Variants in PPAT observed in about 807,000 individuals in gnomAD.
The protein encoded by PPAT is phosphoribosyl pyrophosphate amidotransferase.
Under a neutral mutation model 60.2 loss-of-function variants are expected in PPAT, and 20 were observed. That is an observed-to-expected ratio of 0.33 (90% CI 0.23 to 0.48). PPAT has a LOEUF of 0.48. Ranked by LOEUF, PPAT falls within the 20% of genes least tolerant of loss-of-function variation. The pLI is 0.99. For synonymous variants in PPAT, 194 were observed against 215.1 expected (o/e 0.90, Z 0.86); for missense variants, 349 against 629.6 (o/e 0.55, Z 4.77).
chr4:56,419,896 A>G, intron 1 of PPAT: 1 of 984,672 alleles, frequency 1.0e-6, no homozygotes, highest in South Asian at 4.7e-5. Context: ...AGAACAGCTC[A>G]AGATCTAGGC....
chr4:56,410,437 A>C, intron 1 of PPAT: 1 of 773,620 alleles, frequency 1.3e-6, no homozygotes, highest in Non-Finnish European at 1.6e-6. Flanking sequence ...TTCGGAGCTT[A>C]TTGACAACCA....
chr4:56,400,237 T>A (rs1716079112), intron 8 of PPAT: 1 of 152,312 alleles, frequency 6.6e-6, no homozygotes. Flanking sequence ...TTTATGAAGA[T>A]CCACTTTCAC....
rs1715971107 is a variant in PPAT, at chr4:56,396,550, G to A, written c.1357+69C>T. 1 of 1,431,944 alleles carries A rather than the reference G, an allele frequency of 7.0e-7. No individual in the cohort carries two copies. The highest frequency in any genetic ancestry group is 1.8e-5 in the Admixed American group (1 of 54,444). 88.7% of individuals were successfully genotyped at this position (1,431,944 alleles called of 1,614,324 possible). On this transcript the variant is annotated intron_variant, in intron 10 of 10. Transcript: ENST00000264220. The surrounding 1 kb of genome is among the most constrained non-coding windows in gnomAD (Gnocchi z 4.6). ...CACTGAATACTCCTTTTTACTAAAG[G>A]TGTAAAGACTGTCAAGCTTTGGATT...
chr4:56,432,135 G>A (rs985611068), intron 1 of PPAT, among the ~76,000 whole-genome samples: 3 of 152,046 alleles, frequency 2.0e-5, no homozygotes, highest in African/African-American at 4.8e-5. Context: ...GTTAACCCCA[G>A]GACTAAATGT....
chr4:56,402,242 G>A, intron 5 of PPAT, 61 bp from the exon 6 acceptor site: 1 of 1,254,542 alleles, frequency 8.0e-7, no homozygotes, highest in Non-Finnish European at 1.2e-6. Flanking sequence ...CTATTTCAAT[G>A]GAACAGCTAA....
intron 1 of PPAT, among the ~76,000 whole-genome samples, chr4:56,423,739 T>C (rs1717155638): frequency 6.6e-6 from 1 of 151,920 alleles, no homozygotes; most frequent in Non-Finnish European, 1.5e-5. Flanking sequence ...ACAGGACAAA[T>C]GCATAGTCAT....
At position 56,401,313 on chromosome 4, in the gene PPAT, A is replaced by G. The variant is rs1311745530; in HGVS notation, c.886+17T>C. 1 of 1,554,406 alleles carries G rather than the reference A, an allele frequency of 6.4e-7. No homozygotes were observed. Among genetic ancestry groups the G allele is most frequent in the South Asian group, 1.2e-5 (1 of 83,230 alleles). ...AAAACATTTATATGAATGTTCAAAG[A>G]AAAGAAATCTACTTACCTTCGAACA... On this transcript the variant is annotated intron_variant, in intron 7 of 10. Coordinates refer to ENST00000264220, the MANE Select transcript of PPAT (RefSeq NM_002703.5).
At chr4:56,413,871 T>C (rs1385610156) in intron 1 of PPAT, among the ~76,000 whole-genome samples, 2 of 152,176 alleles carry the variant, frequency 1.3e-5, no homozygotes, top group Non-Finnish European at 2.9e-5. Context: ...CACTCCAGCC[T>C]GGGCGACAAG....
At chr4:56,426,679 C>CA (rs1717307050) in intron 1 of PPAT, among the ~76,000 whole-genome samples, 1 of 152,154 alleles carries the variant, frequency 6.6e-6, no homozygotes, top group Non-Finnish European at 1.5e-5. Flanking sequence ...TATCAACTGA[C>CA]AGACATTTGG....
chr4:56,424,092 T>C (rs1394667723), intron 1 of PPAT, among the ~76,000 whole-genome samples: 1 of 152,238 alleles, frequency 6.6e-6, no homozygotes, highest in Non-Finnish European at 1.5e-5. Context: ...GATGAATTTT[T>C]GAAATTGGAG....
At chr4:56,407,340 T>G (rs1716266939) in intron 2 of PPAT, among the ~76,000 whole-genome samples, 1 of 151,726 alleles carries the variant, frequency 6.6e-6, no homozygotes, top group Admixed American at 6.6e-5. Flanking sequence ...TTTTTTGAGA[T>G]GGAGTTTCAC....
intron 1 of PPAT, among the ~76,000 whole-genome samples, chr4:56,426,803 C>T (rs1016420168): frequency 3.9e-5 from 6 of 152,232 alleles, no homozygotes; most frequent in East Asian, 3.9e-4. Context: ...CCCATAAGTA[C>T]GTTCACGTTG....
rs1716401182 is a variant in PPAT at position 56,410,570 on chromosome 4, AGTG to A, written c.129-2857_129-2855del. 9.1e-6 allele frequency: 9 copies of A among 986,498 alleles called. No individual in the cohort carries two copies. The Admixed American group carries it at 4.9e-4, about 54-fold the overall frequency. 61.1% of individuals were successfully genotyped at this position (986,498 alleles called of 1,614,324 possible). A position where few individuals can be genotyped will look rare whatever the true frequency, so the allele number is the denominator to read the frequency against. ...TGAGGAGGAGGTTAAAGCTTTGCTA[AGTG>A]TCTGGGCAGAAAAAAATATACGAAA... On this transcript the variant is annotated intron_variant, in intron 1 of 10. Coordinates refer to ENST00000264220, the MANE Select transcript of PPAT (RefSeq NM_002703.5).
chr4:56,395,569 A>G, intron 10 of PPAT, 21 bp from the exon 11 acceptor site: 1 of 1,484,856 alleles, frequency 6.7e-7, no homozygotes, highest in Non-Finnish European at 8.9e-7. Flanking sequence ...AGGGAAAAAT[A>G]AAAATGTAAT....
chr4:56,419,713 C>T (rs1196677758), intron 1 of PPAT: 29 of 980,202 alleles, frequency 3.0e-5, no homozygotes, highest in African/African-American at 3.5e-5. Flanking sequence ...GAAGTCAGGG[C>T]TCTAATAGAC....
At chr4:56,401,003 G>A in intron 7 of PPAT, 92 bp from the exon 8 acceptor site, 1 of 1,291,440 alleles carries the variant, frequency 7.7e-7, no homozygotes, top group Non-Finnish European at 1.1e-6. Context: ...TCTACAGATT[G>A]AGTATAAAAA....
chr4:56,403,920 C>T (rs1578116025), intron 3 of PPAT: 1 of 346,188 alleles, frequency 2.9e-6, no homozygotes, highest in East Asian at 7.4e-5. Context: ...GGAGACAGAG[C>T]TCAGGTGGTA....
chr4:56,431,613 G>A, intron 1 of PPAT: 1 of 639,298 alleles, frequency 1.6e-6, no homozygotes, highest in Non-Finnish European at 1.9e-6. Flanking sequence ...TTCCTAACCA[G>A]GAGAAGTGAT....
At chr4:56,400,704 T>C (rs1207750006) in intron 8 of PPAT, 80 bp downstream of exon 8, 3 of 1,369,824 alleles carry the variant, frequency 2.2e-6, no homozygotes, top group South Asian at 1.6e-5. Context: ...GAAATGTTGA[T>C]GAGTTTCTCT....
Sources: gnomAD v4.1 joint callset for allele counts (sites outside exome capture counted in the v4.1 genomes callset) on GRCh38, gnomAD v4.1.1 for gene constraint, Gnocchi (gnomAD v3.1) non-coding constraint, MANE v1.5 for transcripts, NCBI Gene and HGNC (gene_info 2026-07-23, HGNC 2026-07-21) for gene names.